ANO5: variants seen among roughly 807,000 people sequenced by gnomAD.
The protein encoded by ANO5 is anoctamin-5.
Under a neutral mutation model 121.0 loss-of-function variants are expected in ANO5, and 109 were observed. The ratio of observed to expected loss-of-function variants is 0.90; its 90% CI spans 0.77 to 1.06. The LOEUF (loss-of-function observed/expected upper bound fraction) is 1.06, where lower values mean the gene tolerates loss of function less well. Among genes scored for constraint, ANO5 ranks in the 50% least tolerant of loss-of-function variants. ANO5 has a pLI of 0.00. For missense variants in ANO5, 1,064 were observed against 1,078.5 expected (o/e 0.99, Z 0.19); for synonymous variants, 406 against 359.9 (o/e 1.13, Z -1.45).
chr11:22,203,860 A>G lies in ANO5; in HGVS notation c.87+10A>G. The G allele has an allele frequency of 6.9e-7, 1 of 1,439,186 alleles. No individual in the cohort carries two copies. The highest frequency in any genetic ancestry group is 9.7e-7 in the Non-Finnish European group (1 of 1,028,312). 89.2% of individuals were successfully genotyped at this position (1,439,186 alleles called of 1,614,324 possible). On this transcript the variant is annotated intron_variant, in intron 2 of 21. Transcript: ENST00000324559. Reference sequence around the variant, plus strand: ...TTTCCAAATGAGTGAGGTAAGTTAAATATATATGCATTAACTTCCTTATAA... The same window carrying G: ...TTTCCAAATGAGTGAGGTAAGTTAAGTATATATGCATTAACTTCCTTATAA...
At chr11:22,206,750 C>T in intron 2 of ANO5, among the ~76,000 whole-genome samples, 1 of 151,752 alleles carries the variant, frequency 6.6e-6, no homozygotes, top group East Asian at 1.9e-4. Context: ...CTCAGAAAAC[C>T]AAGAATAGAG....
intron 8 of ANO5, among the ~76,000 whole-genome samples, chr11:22,237,994 T>C (rs573727685): frequency 6.6e-5 from 10 of 152,224 alleles, no homozygotes; most frequent in African/African-American, 2.4e-4. Flanking sequence ...ACAATATAAA[T>C]GTAAATCGTT....
At chr11:22,252,326 T>G (rs551029435) in intron 12 of ANO5, among the ~76,000 whole-genome samples, 1 of 152,184 alleles carries the variant, frequency 6.6e-6, no homozygotes, top group Non-Finnish European at 1.5e-5. Context: ...AAATGAATGA[T>G]AGGTGCATGA....
chr11:22,220,822 T>C (rs1039251016), intron 4 of ANO5, among the ~76,000 whole-genome samples: 22 of 151,972 alleles, frequency 1.4e-4, no homozygotes, highest in Admixed American at 3.9e-4. Flanking sequence ...AATGTGCATT[T>C]TGAGATCAAT....
chr11:22,265,673 T>G (rs1348533075), intron 17 of ANO5, among the ~76,000 whole-genome samples: 1 of 152,118 alleles, frequency 6.6e-6, no homozygotes, highest in African/African-American at 2.4e-5. Flanking sequence ...CCCAAATTGA[T>G]ATATAGATTT....
In ANO5 at chr11:22,236,195, C is replaced by T. The variant is rs547557493; in HGVS notation, c.681C>T (p.Gly227=). Reference sequence around the variant, plus strand: ...ATATTCTCTCAAGATGTCCTTTTGGCATAGAAGATGGGAAGAAAAGGTTTG... The same window carrying T: ...ATATTCTCTCAAGATGTCCTTTTGGTATAGAAGATGGGAAGAAAAGGTTTG... The part of the protein sequence containing the change: ...VYYILSRCPF[G]IEDGKKRFGI... The change falls in exon 8 of 22, where the codon GGC becomes GGT. Residue 227 remains glycine, a synonymous_variant. Transcript: ENST00000324559. 1 of 1,613,136 alleles carries T rather than the reference C, an allele frequency of 6.2e-7. No homozygotes were observed. The highest frequency in any genetic ancestry group is 1.3e-5 in the African/African-American group (1 of 75,018).
chr11:22,262,168 C>A lies in ANO5; in HGVS notation c.1670C>A (p.Thr557Asn). Residue 557 changes from threonine to asparagine, a missense_variant, in exon 16 of 22, where the codon ACC becomes AAC. Thr to Asn is a moderately conservative substitution (Grantham distance 65). Coordinates refer to ENST00000324559, the MANE Select transcript of ANO5 (RefSeq NM_213599.3). ...RTYQEYESSL[T>N]LKMFLFQFVN... ...TACCAGGAGTATGAGAGCAGTCTTA[C>A]CTTGAAAATGTTCCTGTTTCAGTTT... 1 of 1,613,920 alleles carries A rather than the reference C, an allele frequency of 6.2e-7. No individual in the cohort carries two copies. The highest frequency in any genetic ancestry group is 8.5e-7 in the Non-Finnish European group (1 of 1,179,938).
At chr11:22,194,220 T>C (rs1436769609) in intron 1 of ANO5, among the ~76,000 whole-genome samples, 2 of 152,228 alleles carry the variant, frequency 1.3e-5, no homozygotes, top group African/African-American at 4.8e-5. Context: ...TGGACCTATT[T>C]TAATACATGT....
intron 12 of ANO5, 46 bp downstream of exon 12, chr11:22,251,057 T>A: frequency 6.5e-7 from 1 of 1,541,626 alleles, no homozygotes; most frequent in East Asian, 2.3e-5. Flanking sequence ...CCTATTAATG[T>A]GTTGTTTTGC....
intron 3 of ANO5, 131 bp from the exon 4 acceptor site, chr11:22,218,115 T>TCTCACACATACACACA: frequency 1.6e-6 from 1 of 606,236 alleles, no homozygotes; most frequent in Non-Finnish European, 3.0e-6. Context: ...GTTTGAAATA[T>TCTCACACATACACACA]CACACACACA....
At chr11:22,220,858 T>C (rs1434778126) in intron 4 of ANO5, among the ~76,000 whole-genome samples, 1 of 151,922 alleles carries the variant, frequency 6.6e-6, no homozygotes, top group East Asian at 1.9e-4. Flanking sequence ...TTTCATATTT[T>C]GGTATGTTTG....
intron 9 of ANO5, among the ~76,000 whole-genome samples, chr11:22,247,090 G>A (rs1443914202): frequency 6.6e-6 from 1 of 151,992 alleles, no homozygotes; most frequent in African/African-American, 2.4e-5. Flanking sequence ...AAATACAGAG[G>A]GAAAAGCACC....
Position 22,262,928 on chromosome 11 carries a change from C to T in ANO5, c.1801-18C>T. 2 of 1,570,496 alleles carry T rather than the reference C, an allele frequency of 1.3e-6. No homozygotes were observed. On this transcript the variant is annotated intron_variant, in intron 16 of 21. Coordinates refer to ENST00000324559, the MANE Select transcript of ANO5 (RefSeq NM_213599.3). ...TTGATCATTCAATTCTGTTTTCTCCCCTCTTGCTTCTGACTAGTGTGATCC... is the reference window on the plus strand; with the variant it reads ...TTGATCATTCAATTCTGTTTTCTCCTCTCTTGCTTCTGACTAGTGTGATCC...
In ANO5 at chr11:22,259,516, C is replaced by T; in HGVS notation, c.1408-3C>T. 1 of 1,613,576 alleles carries T rather than the reference C, an allele frequency of 6.2e-7. No individual in the cohort carries two copies. Among genetic ancestry groups the T allele is most frequent in the South Asian group, 1.1e-5 (1 of 91,064 alleles). On this transcript the variant is annotated splice_region_variant and splice_polypyrimidine_tract_variant and intron_variant, in intron 14 of 21. Transcript: ENST00000324559. ...ATAGCAGTTCTTTGTTTTCCTTTCC[C>T]AGATGTCTCTTGTCGTCACCAGTAT...
At position 22,255,485 on chromosome 11, in the gene ANO5, C is replaced by T; in HGVS notation, c.1295C>T (p.Ala432Val). 1 of 1,613,422 alleles carries T rather than the reference C, an allele frequency of 6.2e-7. No homozygotes were observed. The highest frequency in any genetic ancestry group is 2.2e-5 in the East Asian group (1 of 44,850). ...QQLQLRPEFEAMCKHRKLNAV... is the reference protein window; with the variant it reads ...QQLQLRPEFEVMCKHRKLNAV... The stretch of plus-strand genomic sequence containing the variant: ...CTTCAGCTGAGACCAGAATTTGAAG[C>T]TATGTGTAAACACAGGAAATTGAAT... Residue 432 changes from alanine to valine, a missense_variant, in exon 13 of 22, where the codon GCT (alanine) becomes GTT (valine). Ala to Val is a moderately conservative substitution (Grantham distance 64, BLOSUM62 0). Transcript: ENST00000324559.
At chr11:22,231,202 T>C (rs2133627136) in intron 7 of ANO5, among the ~76,000 whole-genome samples, 1 of 152,150 alleles carries the variant, frequency 6.6e-6, no homozygotes, top group African/African-American at 2.4e-5. Flanking sequence ...CTTACCATTG[T>C]ATGCTCAATG....
At chr11:22,192,809 G>T (rs1851687799), upstream of ANO5, among the ~76,000 whole-genome samples, 1 of 152,206 alleles carries the variant, frequency 6.6e-6, no homozygotes, top group African/African-American at 2.4e-5. Context: ...GTACAGAATG[G>T]AGCAGGCCGG....
intron 5 of ANO5, among the ~76,000 whole-genome samples, chr11:22,222,159 T>C (rs981690265): frequency 1.3e-5 from 2 of 151,994 alleles, no homozygotes; most frequent in Admixed American, 1.3e-4. Flanking sequence ...TTGTTGATTA[T>C]ACTGTGTTCT....
intron 7 of ANO5, among the ~76,000 whole-genome samples, chr11:22,228,812 T>C (rs2133618031): frequency 6.6e-6 from 1 of 152,152 alleles, no homozygotes; most frequent in African/African-American, 2.4e-5. Flanking sequence ...TCATTCTTTT[T>C]ATGGCTATAT....
Sources: allele counts gnomAD v4.1 joint callset (sites outside exome capture counted in the v4.1 genomes callset), GRCh38; gene constraint gnomAD v4.1.1; transcripts MANE v1.5; gene names NCBI Gene and HGNC (gene_info 2026-07-23, HGNC 2026-07-21).